BRD10: variants seen among roughly 807,000 people sequenced by gnomAD.
BRD10 encodes uncharacterized bromodomain-containing protein 10.
chr9:5,911,414 T>TTG, the BRD10 span, among the ~76,000 whole-genome samples: 3 of 151,588 alleles, frequency 2.0e-5, no homozygotes, highest in African/African-American at 4.8e-5. Flanking sequence ...TGTTTTTTTT[T>TTG]TTTTTTTTAA....
chr9:5,968,699 T>C, the BRD10 span: 2 of 1,613,902 alleles, frequency 1.2e-6, no homozygotes, highest in African/African-American at 2.7e-5. Context: ...ACACTTCAAT[T>C]TCTCCAATTT....
At chr9:5,880,372 C>T in the BRD10 span, among the ~76,000 whole-genome samples, 1 of 151,916 alleles carries the variant, frequency 6.6e-6, no homozygotes. Context: ...ATTAGCCGGG[C>T]GTCATGGCAC....
chr9:5,952,690 A>G, the BRD10 span, among the ~76,000 whole-genome samples: 1 of 152,320 alleles, frequency 6.6e-6, no homozygotes. Flanking sequence ...GGAAATATTA[A>G]CAATGGGCCA....
the BRD10 span, among the ~76,000 whole-genome samples, chr9:5,947,651 C>T: frequency 1.3e-5 from 2 of 151,852 alleles, no homozygotes; most frequent in Non-Finnish European, 2.9e-5. Context: ...GTCAAATTAA[C>T]CTTTTATAAA....
At chr9:6,000,829 T>A in the BRD10 span, among the ~76,000 whole-genome samples, 4 of 152,240 alleles carry the variant, frequency 2.6e-5, no homozygotes, top group Admixed American at 2.6e-4. Flanking sequence ...TTCTTTTCAG[T>A]TTGAAGACAT....
the BRD10 span, chr9:5,988,546 C>G: frequency 6.2e-7 from 1 of 1,610,410 alleles, no homozygotes; most frequent in Non-Finnish European, 8.5e-7. Context: ...TCTCAAGTGC[C>G]TTGGAGAAGA....
chr9:5,923,854 AG>A, the BRD10 span, among the ~76,000 whole-genome samples: 1 of 152,244 alleles, frequency 6.6e-6, no homozygotes, highest in Non-Finnish European at 1.5e-5. Flanking sequence ...AATTTGCCAA[AG>A]ATGGAAAACA....
the BRD10 span, among the ~76,000 whole-genome samples, chr9:5,914,270 C>T: frequency 1.3e-5 from 2 of 152,148 alleles, no homozygotes; most frequent in African/African-American, 4.8e-5. Flanking sequence ...TAAATATATA[C>T]TGGAGGACAC....
At chr9:5,900,415 AT>A in the BRD10 span, among the ~76,000 whole-genome samples, 1 of 152,296 alleles carries the variant, frequency 6.6e-6, no homozygotes, top group Non-Finnish European at 1.5e-5. Flanking sequence ...ATTTTCATAT[AT>A]CTAGAAAAGT....
At chr9:5,890,370 A>G in the BRD10 span, among the ~76,000 whole-genome samples, 1 of 152,238 alleles carries the variant, frequency 6.6e-6, no homozygotes, top group Non-Finnish European at 1.5e-5. Context: ...ACATAGTTGT[A>G]TTAAGAAACT....
At chr9:5,884,564 C>T in the BRD10 span, among the ~76,000 whole-genome samples, 26,087 of 152,146 alleles carry the variant, frequency 0.17, 2,312 homozygotes, top group Middle Eastern at 0.2. Flanking sequence ...ACTGGACTGG[C>T]CTTCATCTCA....
At chr9:5,940,015 C>T in the BRD10 span, among the ~76,000 whole-genome samples, 1 of 152,130 alleles carries the variant, frequency 6.6e-6, no homozygotes, top group African/African-American at 2.4e-5. Flanking sequence ...TTCAGTCTAG[C>T]TAATGTACAC....
At chr9:6,006,890 C>T in the BRD10 span, among the ~76,000 whole-genome samples, 1 of 152,242 alleles carries the variant, frequency 6.6e-6, no homozygotes, top group Non-Finnish European at 1.5e-5. Flanking sequence ...AAAAACTGTT[C>T]CTCTGCCTAC....
the BRD10 span, among the ~76,000 whole-genome samples, chr9:5,936,732 A>G: frequency 1.4e-4 from 21 of 152,320 alleles, 1 homozygote; most frequent in Admixed American, 3.3e-4. Context: ...AAAGATTTTT[A>G]TATCTTCTAT....
the BRD10 span, among the ~76,000 whole-genome samples, chr9:5,954,705 A>G: frequency 6.6e-6 from 1 of 152,224 alleles, no homozygotes; most frequent in East Asian, 1.9e-4. Context: ...GGAAAAAAAT[A>G]AACCTCATAC....
At chr9:5,912,609 G>A in the BRD10 span, among the ~76,000 whole-genome samples, 1 of 152,156 alleles carries the variant, frequency 6.6e-6, no homozygotes, top group African/African-American at 2.4e-5. Flanking sequence ...GAGGAGAGGA[G>A]CCTTCAGGAA....
chr9:5,961,846 C>G, the BRD10 span, among the ~76,000 whole-genome samples: 1 of 152,288 alleles, frequency 6.6e-6, no homozygotes, highest in East Asian at 1.9e-4. Context: ...ATTATCAAAT[C>G]ATTTTCAACC....
chr9:5,991,188 ATATATATATAT>A, the BRD10 span, among the ~76,000 whole-genome samples: 1 of 148,356 alleles, frequency 6.7e-6, no homozygotes, highest in Admixed American at 6.7e-5. Context: ...GTGTATATAT[ATATATATATAT>A]ATCATGCATG....
At chr9:5,971,334 C>T in the BRD10 span, among the ~76,000 whole-genome samples, 5 of 152,062 alleles carry the variant, frequency 3.3e-5, no homozygotes, top group Non-Finnish European at 5.9e-5. Flanking sequence ...CTTTTGAAAA[C>T]GTTACTATGT....
Sources: allele counts gnomAD v4.1 joint callset (sites outside exome capture counted in the v4.1 genomes callset), GRCh38; gene constraint gnomAD v4.1.1; transcripts MANE v1.5; gene names NCBI Gene and HGNC (gene_info 2026-07-23, HGNC 2026-07-21).